ANXA7: variants seen among roughly 807,000 people sequenced by gnomAD.
ANXA7 encodes the protein annexin A7, also known as annexin VII.
ANXA7 carries 55 observed loss-of-function variants against 64.9 expected under a neutral mutation model. The observed-to-expected ratio is 0.85, with a 90% CI of 0.68 to 1.06. The LOEUF is 1.06. Among genes scored for constraint, ANXA7 ranks in the 50% least tolerant of loss-of-function variants. ANXA7 has a pLI of 0.00. For missense variants in ANXA7, 548 were observed against 582.1 expected (o/e 0.94, Z 0.60); for synonymous variants, 200 against 192.4 (o/e 1.04, Z -0.33).
chr10:73,396,372 A>T (rs375441495), intron 5 of ANXA7, 147 bp downstream of exon 5: 2 of 657,862 alleles, frequency 3.0e-6, no homozygotes, highest in Non-Finnish European at 5.4e-6. Flanking sequence ...TGGACCAAAG[A>T]AAGTATGGAG....
intron 1 of ANXA7, among the ~76,000 whole-genome samples, chr10:73,401,585 C>T (rs1201002507): frequency 4.6e-5 from 7 of 151,750 alleles, no homozygotes; most frequent in African/African-American, 9.7e-5. Flanking sequence ...TTGCAACCTC[C>T]GCCTCCCGGG....
chr10:73,384,546 C>T (rs566654870), intron 7 of ANXA7, among the ~76,000 whole-genome samples: 1 of 152,036 alleles, frequency 6.6e-6, no homozygotes, highest in African/African-American at 2.4e-5. Flanking sequence ...GGACTACAGG[C>T]ACATCCCACC....
At chr10:73,396,787 C>T (rs1001111976) in intron 4 of ANXA7, among the ~76,000 whole-genome samples, 1 of 152,140 alleles carries the variant, frequency 6.6e-6, no homozygotes, top group South Asian at 2.1e-4. Context: ...CCATGTTCTA[C>T]ATAAGATCCT....
At chr10:73,411,409 A>G (rs1753148750) in intron 1 of ANXA7, among the ~76,000 whole-genome samples, 1 of 152,194 alleles carries the variant, frequency 6.6e-6, no homozygotes, top group African/African-American at 2.4e-5. Flanking sequence ...TCCATGTAAC[A>G]AAAAACCACT....
intron 3 of ANXA7, among the ~76,000 whole-genome samples, chr10:73,397,938 T>A (rs186648203): frequency 1.1e-4 from 17 of 152,318 alleles, no homozygotes; most frequent in Non-Finnish European, 2.4e-4. Flanking sequence ...TACATATTGG[T>A]CCTTTATTGC....
Position 73,400,929 on chromosome 10 carries a change from A to G in ANXA7, c.-1-72T>C. The G allele has an allele frequency of 3.8e-6, 5 of 1,333,148 alleles. No homozygotes were observed. In the South Asian group the frequency reaches 5.5e-5, roughly 15 times the overall value. The allele number at this position is 1,333,148 out of a possible 1,614,324, so 82.6% of individuals were successfully genotyped here. On this transcript the variant is annotated intron_variant, in intron 1 of 12. Transcript: ENST00000372921. ...GTTTTGTTTTGTTTTGTTTTTTGAG[A>G]CGGAGTCTCACTCTGTCACCAGGTT...
At chr10:73,388,701 C>T (rs956686370) in intron 5 of ANXA7, among the ~76,000 whole-genome samples, 1 of 152,092 alleles carries the variant, frequency 6.6e-6, no homozygotes, top group Non-Finnish European at 1.5e-5. Context: ...CTATAGTTTC[C>T]TTTTTGGTAG....
At chr10:73,408,902 T>C (rs2055799577) in intron 1 of ANXA7, among the ~76,000 whole-genome samples, 2 of 152,238 alleles carry the variant, frequency 1.3e-5, no homozygotes, top group South Asian at 4.1e-4. Context: ...ATGTATCACA[T>C]AAACAGAATT....
chr10:73,404,010 C>G (rs1224713961), intron 1 of ANXA7, among the ~76,000 whole-genome samples: 1 of 152,146 alleles, frequency 6.6e-6, no homozygotes, highest in Non-Finnish European at 1.5e-5. Context: ...CTGCTATGAT[C>G]ATAGAGAACT....
At chr10:73,398,473 A>G in intron 2 of ANXA7, 88 bp from the exon 3 acceptor site, 1 of 1,179,756 alleles carries the variant, frequency 8.5e-7, no homozygotes, top group Non-Finnish European at 1.2e-6. Context: ...GGTTATTATT[A>G]AGGTCTACCT....
At chr10:73,393,133 G>T (rs1045836315) in intron 5 of ANXA7, among the ~76,000 whole-genome samples, 98 of 152,128 alleles carry the variant, frequency 6.4e-4, no homozygotes, top group African/African-American at 2.0e-3. Context: ...TACATAGGAA[G>T]CCAACTTACA....
chr10:73,377,773 G>GGGGGGTGT (rs1554815379), intron 12 of ANXA7, among the ~76,000 whole-genome samples: 28 of 124,844 alleles, frequency 2.2e-4, no homozygotes, highest in South Asian at 1.7e-3. Flanking sequence ...GGTGGGTGTG[G>GGGGGGTGT]GTGTGTGTGT....
intron 1 of ANXA7, among the ~76,000 whole-genome samples, chr10:73,402,041 T>C (rs2055674805): frequency 6.6e-6 from 1 of 152,188 alleles, no homozygotes; most frequent in African/African-American, 2.4e-5. Context: ...AATAAATACT[T>C]AGCTATTACA....
chr10:73,384,724 T>C (rs1025739527), intron 7 of ANXA7, among the ~76,000 whole-genome samples: 1 of 151,764 alleles, frequency 6.6e-6, no homozygotes, highest in Non-Finnish European at 1.5e-5. Context: ...TTTGGAAAGA[T>C]ACACATCTAA....
intron 1 of ANXA7, among the ~76,000 whole-genome samples, chr10:73,409,019 C>T (rs1339019567): frequency 6.6e-6 from 1 of 152,126 alleles, no homozygotes; most frequent in Admixed American, 6.5e-5. Context: ...AAGGACCTAA[C>T]TCAAAATAAT....
At chr10:73,392,394 C>A (rs565644793) in intron 5 of ANXA7, among the ~76,000 whole-genome samples, 1,940 of 151,510 alleles carry the variant, frequency 0.013, 40 homozygotes, top group African/African-American at 0.044. Flanking sequence ...AGAGACACAA[C>A]AAAAAAAAGA....
intron 5 of ANXA7, among the ~76,000 whole-genome samples, chr10:73,388,876 T>C (rs963585492): frequency 1.3e-5 from 2 of 152,196 alleles, no homozygotes; most frequent in Non-Finnish European, 2.9e-5. Flanking sequence ...TAATTTCCTA[T>C]ATGGACCCTG....
intron 1 of ANXA7, chr10:73,408,075 C>A: frequency 1.3e-5 from 2 of 152,904 alleles, no homozygotes; most frequent in South Asian, 3.7e-4. Context: ...TCCCAAAACT[C>A]TGGGAGGCCA....
Position 73,401,195 on chromosome 10 carries a change from C to T in ANXA7, c.-1-338G>A, listed in dbSNP as rs531977632. On this transcript the variant is annotated intron_variant, in intron 1 of 12. Coordinates refer to ENST00000372921, the MANE Select transcript of ANXA7 (RefSeq NM_001156.5). Reference sequence around the variant, plus strand: ...CTGGGATTACAGGTGTGAGCCACCGCGCCCAGCCTGTAATTTCTTATAATG... The same window carrying T: ...CTGGGATTACAGGTGTGAGCCACCGTGCCCAGCCTGTAATTTCTTATAATG... Among the ~76,000 whole-genome samples, 28 of 151,914 alleles carry T rather than the reference C, an allele frequency of 1.8e-4. No individual in the cohort carries two copies. In the South Asian group the frequency reaches 5.0e-3, roughly 27 times the overall value.
Sources: gnomAD v4.1 joint callset for allele counts (sites outside exome capture counted in the v4.1 genomes callset) on GRCh38, gnomAD v4.1.1 for gene constraint, MANE v1.5 for transcripts, NCBI Gene and HGNC (gene_info 2026-07-23, HGNC 2026-07-21) for gene names.